The following PIP5K1C variants were observed in gnomAD, a reference collection of about 807,000 sequenced individuals.
PIP5K1C encodes phosphatidylinositol 4-phosphate 5-kinase type-1 gamma.
Under a neutral mutation model 80.1 loss-of-function variants are expected in PIP5K1C, and 45 were observed. The ratio of observed to expected loss-of-function variants is 0.56; its 90% confidence interval spans 0.44 to 0.72. PIP5K1C has a LOEUF of 0.72. Among genes scored for constraint, PIP5K1C ranks in the 30% least tolerant of loss-of-function variants. The pLI is 0.00. For synonymous variants in PIP5K1C, 498 were observed against 420.1 expected, an observed-to-expected ratio of 1.19 and a Z score of -2.27; for missense variants, 753 against 954.6, an observed-to-expected ratio of 0.79 and a Z score of 2.78.
chr19:3,694,178 C>T (rs1267314492), intron 1 of PIP5K1C, among the ~76,000 whole-genome samples: 2 of 149,468 alleles, frequency 1.3e-5, no homozygotes, highest in Non-Finnish European at 3.0e-5. Flanking sequence ...CGCCACTGCA[C>T]TCCAGCCCGG....
At position 3,691,399 on chromosome 19, in the gene PIP5K1C, C is replaced by G. The variant is rs200240167; in HGVS notation, c.94+8898G>C. 1.9e-4 allele frequency among the ~76,000 whole-genome samples: 29 copies of G among 152,314 alleles called. 1 individual carries two copies. In the East Asian group the frequency reaches 4.6e-3, roughly 24 times the overall value. ...TTCCTAAACGTTGCAAACGGCCCGC[C>G]TGCGAGCACACTGTGACGTGCAGAG... is the stretch of plus-strand genomic sequence containing the variant. On this transcript the variant is annotated intron_variant, in intron 1 of 17. Coordinates refer to ENST00000335312, the MANE Select transcript of PIP5K1C (RefSeq NM_012398.3).
intron 1 of PIP5K1C, among the ~76,000 whole-genome samples, chr19:3,691,102 G>C (rs1234676604): frequency 6.6e-6 from 1 of 152,188 alleles, no homozygotes; most frequent in African/African-American, 2.4e-5. Context: ...GCAGTTCCAA[G>C]AAAACAAAGA....
At chr19:3,682,036 T>C (rs938361344) in intron 1 of PIP5K1C, among the ~76,000 whole-genome samples, 14 of 151,690 alleles carry the variant, frequency 9.2e-5, no homozygotes, top group African/African-American at 3.4e-4. Flanking sequence ...CCCCCACCAA[T>C]AGCACAGAGG....
In PIP5K1C at chr19:3,645,973, CAGG is replaced by C. The variant is rs2034196316; in HGVS notation, c.1343_1345del (p.Ser449del). 6.2e-7 allele frequency: 1 copy of C among 1,612,530 alleles called. No homozygotes were observed. Among genetic ancestry groups the C allele is most frequent in the African/African-American group, 1.3e-5 (1 of 74,896 alleles). ...CGCCTTGCGGGGCTCAGGTGGCTTA[CAGG>C]AGTTCTTCCGAAAGACCGTGTTGCT... is the stretch of plus-strand genomic sequence containing the variant. On this transcript the variant is annotated inframe_deletion and splice_region_variant, in exon 11 of 18. Coordinates refer to ENST00000335312, the MANE Select transcript of PIP5K1C (RefSeq NM_012398.3).
At chr19:3,635,475 G>A (rs1309998142) in intron 16 of PIP5K1C, among the ~76,000 whole-genome samples, 4 of 152,076 alleles carry the variant, frequency 2.6e-5, no homozygotes, top group Non-Finnish European at 5.9e-5. Flanking sequence ...CTGAGGTCAG[G>A]AGTTCGAGAC....
chr19:3,634,546 G>A (rs960197691), intron 16 of PIP5K1C, among the ~76,000 whole-genome samples: 3 of 152,094 alleles, frequency 2.0e-5, no homozygotes, highest in Non-Finnish European at 2.9e-5. Context: ...CCCTAAACTC[G>A]CCACAGTCAC....
At chr19:3,658,767 C>G (rs901027845) in intron 5 of PIP5K1C, among the ~76,000 whole-genome samples, 4 of 152,200 alleles carry the variant, frequency 2.6e-5, no homozygotes, top group Admixed American at 2.6e-4. Context: ...CGGCTTTGTA[C>G]AAAGAACACC....
intron 1 of PIP5K1C, among the ~76,000 whole-genome samples, chr19:3,678,319 GGGAC>G (rs2035461214): frequency 7.3e-6 from 1 of 136,290 alleles, no homozygotes; most frequent in Non-Finnish European, 1.6e-5. Context: ...GAGGGATGGA[GGGAC>G]GGAGGGATGC....
At chr19:3,660,910 G>A in intron 5 of PIP5K1C, 56 bp downstream of exon 5, 2 of 1,410,028 alleles carry the variant, frequency 1.4e-6, no homozygotes, top group East Asian at 2.3e-5. Flanking sequence ...GACCCTCCGA[G>A]ACCCTGAACA....
chr19:3,633,190 G>A (rs1568303640), intron 17 of PIP5K1C, 21 bp from the exon 18 acceptor site: 2 of 765,236 alleles, frequency 2.6e-6, no homozygotes, highest in Non-Finnish European at 4.9e-6. Context: ...AAGAGGACAG[G>A]TGAAGGTGGG....
At chr19:3,674,307 G>C (rs1207214778) in intron 1 of PIP5K1C, 1 of 152,260 alleles carries the variant, frequency 6.6e-6, no homozygotes, top group East Asian at 1.9e-4. Context: ...CTTCTGTCTG[G>C]GGGTGGTTTG....
At position 3,648,023 on chromosome 19, in the gene PIP5K1C, CTTTT is replaced by C. The variant is rs200523286; in HGVS notation, c.1211+598_1211+601del. Among the ~76,000 whole-genome samples the C allele has an allele frequency of 2.0e-5, 3 of 151,960 alleles. No individual in the cohort carries two copies. Among genetic ancestry groups the C allele is most frequent in the Non-Finnish European group, 2.9e-5 (2 of 67,972 alleles). On this transcript the variant is annotated intron_variant, in intron 9 of 17. Coordinates refer to ENST00000335312, the MANE Select transcript of PIP5K1C (RefSeq NM_012398.3). This position sits in a 1 kb window ranked among gnomAD's most constrained non-coding sequence, Gnocchi z 4.3. ...GCCTCAAACCCACTCCTTGGATTTTCTTTTTTCTTTTTTTTTGGGACAGGGTCTT... is the reference window on the plus strand; with the variant it reads ...GCCTCAAACCCACTCCTTGGATTTTCTTCTTTTTTTTTGGGACAGGGTCTT...
rs374115075 is a variant in PIP5K1C at position 3,661,856 on chromosome 19, G to A, written c.350+15C>T. On this transcript the variant is annotated intron_variant, in intron 4 of 17. Transcript: ENST00000335312. Reference sequence around the variant, plus strand: ...TGTGCTGGGTGAGCCCTGAGGCTCCGGGGGCCCGGCCCACCTGGGGAAGAA... The same window carrying A: ...TGTGCTGGGTGAGCCCTGAGGCTCCAGGGGCCCGGCCCACCTGGGGAAGAA... The A allele has an allele frequency of 4.7e-5, 76 of 1,609,684 alleles. 1 individual carries two copies. The highest frequency in any genetic ancestry group is 4.2e-4 in the South Asian group (38 of 91,072).
At chr19:3,646,780 G>A (rs575746884) in intron 10 of PIP5K1C, among the ~76,000 whole-genome samples, 2 of 152,308 alleles carry the variant, frequency 1.3e-5, no homozygotes, top group African/African-American at 4.8e-5. Flanking sequence ...GGTGCCTGTT[G>A]GGATCTTGGA....
intron 16 of PIP5K1C, among the ~76,000 whole-genome samples, chr19:3,635,600 G>A (rs1158424562): frequency 6.6e-6 from 1 of 152,078 alleles, no homozygotes; most frequent in Non-Finnish European, 1.5e-5. Context: ...CAGAAGAATC[G>A]CTTGAACCCA....
At chr19:3,633,343 G>A (rs2033528140) in intron 17 of PIP5K1C, 94 bp downstream of exon 17, 1 of 999,064 alleles carries the variant, frequency 1.0e-6, no homozygotes, top group Non-Finnish European at 1.5e-6. Flanking sequence ...TCCCGCCCCG[G>A]GCCTCAGTCC....
intron 1 of PIP5K1C, among the ~76,000 whole-genome samples, chr19:3,686,705 C>T (rs2035771759): frequency 6.7e-6 from 1 of 148,476 alleles, no homozygotes; most frequent in Non-Finnish European, 1.5e-5. Context: ...GCAACAGGAG[C>T]GAAACTCCGT....
At chr19:3,669,683 G>A (rs2035137434) in intron 1 of PIP5K1C, 2 of 152,354 alleles carry the variant, frequency 1.3e-5, no homozygotes, top group African/African-American at 4.8e-5. Flanking sequence ...CTGGGCCTGG[G>A]TCGGCGATGC....
In PIP5K1C at chr19:3,661,069, A is replaced by C. The variant is rs751395518; in HGVS notation, c.365T>G (p.Leu122Arg). Residue 122 changes from leucine (L) to arginine (R), a missense_variant, in exon 5 of 18, where the codon CTC becomes CGC. Physicochemically the swap from Leu to Arg is moderately radical, Grantham distance 102. Transcript: ENST00000335312. Reference protein sequence around the residue: ...SIFFPSEGSNLTPAHHFQDFR... With the variant: ...SIFFPSEGSNRTPAHHFQDFR... ...GTCCTGGAAGTGGTGGGCGGGGGTGAGGTTGCTGCCTTCGCTGTGGAGGAA... is the reference window on the plus strand; with the variant it reads ...GTCCTGGAAGTGGTGGGCGGGGGTGCGGTTGCTGCCTTCGCTGTGGAGGAA... 1 of 1,613,442 alleles carries C rather than the reference A, an allele frequency of 6.2e-7. No homozygotes were observed. The highest frequency in any genetic ancestry group is 8.5e-7 in the Non-Finnish European group (1 of 1,179,708).
Sources: gnomAD v4.1 joint callset for allele counts (sites outside exome capture counted in the v4.1 genomes callset) on GRCh38, gnomAD v4.1.1 for gene constraint, Gnocchi (gnomAD v3.1) non-coding constraint, MANE v1.5 for transcripts, NCBI Gene and HGNC (gene_info 2026-07-23, HGNC 2026-07-21) for gene names.